Variants in REEP1 observed in about 807,000 individuals in gnomAD.
REEP1 encodes the protein receptor accessory protein 1, also known as receptor expression-enhancing protein 1.
Under a neutral mutation model 40.3 loss-of-function variants are expected in REEP1, and 22 were observed. The observed-to-expected ratio is 0.55, with a 90% CI of 0.39 to 0.78. REEP1 has a LOEUF of 0.78. REEP1 is among the 30% of genes least tolerant of loss of function. The probability of loss-of-function intolerance (pLI) is 0.00; values close to 1 mark genes in which losing one functional copy is unlikely to be tolerated. For synonymous variants in REEP1, 116 were observed against 139.2 expected, an observed-to-expected ratio of 0.83 and a Z score of 1.17; for missense variants, 280 against 361.1, an observed-to-expected ratio of 0.78 and a Z score of 1.82.
At chr2:86,324,215 A>G (rs1296419028) in intron 1 of REEP1, among the ~76,000 whole-genome samples, 1 of 152,206 alleles carries the variant, frequency 6.6e-6, no homozygotes, top group Non-Finnish European at 1.5e-5. Flanking sequence ...AAATGATAAA[A>G]TAAATCACAG....
At chr2:86,325,349 C>T (rs1680457200) in intron 1 of REEP1, among the ~76,000 whole-genome samples, 1 of 152,204 alleles carries the variant, frequency 6.6e-6, no homozygotes, top group South Asian at 2.1e-4. Flanking sequence ...TCCCCTCAGC[C>T]TGGAGGCAGT....
chr2:86,272,059 C>T (rs1279822888), intron 2 of REEP1, among the ~76,000 whole-genome samples: 1 of 152,060 alleles, frequency 6.6e-6, no homozygotes, highest in Non-Finnish European at 1.5e-5. Flanking sequence ...CCCGTCTCTG[C>T]TAAAAATACA....
intron 7 of REEP1, among the ~76,000 whole-genome samples, chr2:86,226,463 CTTTTCTTTT>C (rs1674708663): frequency 3.5e-5 from 1 of 28,960 alleles, no homozygotes; most frequent in Non-Finnish European, 1.2e-4. Flanking sequence ...GTGGCTTTTT[CTTTTCTTTT>C]TTTTTTTTTT....
chr2:86,323,844 G>C (rs1319029027), intron 1 of REEP1, among the ~76,000 whole-genome samples: 6 of 152,156 alleles, frequency 3.9e-5, no homozygotes, highest in African/African-American at 1.4e-4. Context: ...GAAGGGCCCA[G>C]AAACAGGCCT....
chr2:86,317,333 G>A (rs1175852397), intron 1 of REEP1, among the ~76,000 whole-genome samples: 1 of 152,150 alleles, frequency 6.6e-6, no homozygotes, highest in Non-Finnish European at 1.5e-5. Context: ...CCTCATGCTG[G>A]ATAAAGGTGT....
chr2:86,298,537 C>A (rs764779933), intron 1 of REEP1, among the ~76,000 whole-genome samples: 10 of 152,258 alleles, frequency 6.6e-5, no homozygotes, highest in Admixed American at 2.0e-4. Flanking sequence ...GCCCTCCCCT[C>A]CACAGCTCAA....
intron 1 of REEP1, among the ~76,000 whole-genome samples, chr2:86,282,586 G>T (rs1678158075): frequency 6.6e-6 from 1 of 152,000 alleles, no homozygotes; most frequent in Non-Finnish European, 1.5e-5. Context: ...CCCCTCTGAA[G>T]CTCTGTTAAG....
At chr2:86,279,021 T>C (rs959379975) in intron 2 of REEP1, among the ~76,000 whole-genome samples, 2 of 152,232 alleles carry the variant, frequency 1.3e-5, no homozygotes, top group Non-Finnish European at 2.9e-5. Flanking sequence ...CCATTTTTAT[T>C]TAGGAGAGCT....
intron 1 of REEP1, chr2:86,297,657 G>A (rs1679050507): frequency 1.0e-6 from 1 of 972,688 alleles, no homozygotes; most frequent in Non-Finnish European, 1.2e-6. Flanking sequence ...GAGGGAGGAA[G>A]AGAACACTTA....
chr2:86,294,507 G>A (rs1026988522), intron 1 of REEP1, among the ~76,000 whole-genome samples: 2 of 152,120 alleles, frequency 1.3e-5, no homozygotes, highest in African/African-American at 4.8e-5. Context: ...ATTTATATCT[G>A]TTTGATGCGA....
intron 5 of REEP1, among the ~76,000 whole-genome samples, chr2:86,251,101 C>T (rs910617279): frequency 2.0e-5 from 3 of 152,178 alleles, no homozygotes; most frequent in Non-Finnish European, 4.4e-5. Context: ...GCCTTCCCTC[C>T]ACCACCAGCC....
At chr2:86,274,188 A>G (rs1038982186) in intron 2 of REEP1, among the ~76,000 whole-genome samples, 3 of 152,240 alleles carry the variant, frequency 2.0e-5, no homozygotes, top group African/African-American at 7.2e-5. Context: ...TGTTGAAGTC[A>G]GGACATCAGA....
In REEP1 at chr2:86,316,545, T is replaced by C. The variant is rs1467073241; in HGVS notation, c.32+20934A>G. 9.3e-4 allele frequency among the ~76,000 whole-genome samples: 70 copies of C among 75,062 alleles called. 1 individual carries two copies. The highest frequency in any genetic ancestry group is 7.0e-5 in the Non-Finnish European group (3 of 43,146). The allele number at this position is 75,062 out of a possible 152,430, so 49.2% of individuals were successfully genotyped here. A position where few individuals can be genotyped will look rare whatever the true frequency, so the allele number is the denominator to read the frequency against. ...CCCAGGCAACAAGAACGAAACTCTG[T>C]CTCAAAAAAAAAAAAAAAAAAAAAT... On this transcript the variant is annotated intron_variant, in intron 1 of 8. Coordinates refer to ENST00000538924, the MANE Select transcript of REEP1 (RefSeq NM_001371279.1).
chr2:86,253,810 T>C (rs1222368817), intron 4 of REEP1, among the ~76,000 whole-genome samples: 1 of 152,230 alleles, frequency 6.6e-6, no homozygotes, highest in Non-Finnish European at 1.5e-5. Context: ...TCAGAAACAA[T>C]AGACATTAAT....
At chr2:86,256,966 C>T (rs1048399716) in intron 3 of REEP1, among the ~76,000 whole-genome samples, 2 of 152,182 alleles carry the variant, frequency 1.3e-5, no homozygotes, top group African/African-American at 4.8e-5. Context: ...CAGTCAGTAG[C>T]CTTACCCACG....
At chr2:86,284,483 A>G (rs1163445719) in intron 1 of REEP1, among the ~76,000 whole-genome samples, 2 of 152,192 alleles carry the variant, frequency 1.3e-5, no homozygotes, top group Non-Finnish European at 2.9e-5. Flanking sequence ...AGCACCATCC[A>G]GGGAACGCTC....
chr2:86,300,315 C>G (rs1256652904), intron 1 of REEP1, among the ~76,000 whole-genome samples: 1 of 152,108 alleles, frequency 6.6e-6, no homozygotes, highest in Non-Finnish European at 1.5e-5. Flanking sequence ...AGAACTGTGC[C>G]TCTCATCCAC....
At chr2:86,299,047 C>T (rs564661560) in intron 1 of REEP1, among the ~76,000 whole-genome samples, 1 of 152,254 alleles carries the variant, frequency 6.6e-6, no homozygotes, top group Admixed American at 6.5e-5. Flanking sequence ...CAAAAGATAC[C>T]ATTGTTCCCT....
At chr2:86,306,459 C>T (rs1195686343) in intron 1 of REEP1, among the ~76,000 whole-genome samples, 1 of 152,142 alleles carries the variant, frequency 6.6e-6, no homozygotes, top group Non-Finnish European at 1.5e-5. Flanking sequence ...ATAAAATACT[C>T]CCAGTTTGCT....
Sources: allele counts gnomAD v4.1 joint callset (sites outside exome capture counted in the v4.1 genomes callset), GRCh38; gene constraint gnomAD v4.1.1; transcripts MANE v1.5; gene names NCBI Gene and HGNC (gene_info 2026-07-23, HGNC 2026-07-21).